RILPL2: variants seen among roughly 807,000 people sequenced by gnomAD.
The protein encoded by RILPL2 is RILP-like protein 2.
A neutral mutation model predicts 22.2 loss-of-function variants in RILPL2; 19 were observed. The ratio of observed to expected loss-of-function variants is 0.86; its 90% CI spans 0.60 to 1.25. The LOEUF is 1.25. Ranked by LOEUF, RILPL2 falls within the 50% of genes most tolerant of loss-of-function variation. RILPL2 has a pLI of 0.00. For synonymous variants in RILPL2, 123 were observed against 111.6 expected (o/e 1.10, Z -0.64); for missense variants, 243 against 263.6 (o/e 0.92, Z 0.54).
chr12:123,417,491 T>C (rs937382820), intron 3 of RILPL2, among the ~76,000 whole-genome samples: 2 of 151,974 alleles, frequency 1.3e-5, no homozygotes, highest in African/African-American at 4.8e-5. Context: ...CCAGAAAGAA[T>C]CCACGTGGCC....
downstream of RILPL2, chr12:123,410,725 A>G (rs1036881744): frequency 6.6e-6 from 1 of 152,042 alleles, no homozygotes; most frequent in Non-Finnish European, 1.5e-5. Flanking sequence ...AAAAAAAAAA[A>G]AACAACACTT....
chr12:123,411,133 C>G (rs1162253900), downstream of RILPL2: 1 of 151,650 alleles, frequency 6.6e-6, no homozygotes, highest in African/African-American at 2.4e-5. Context: ...ACCTCCACCT[C>G]CCGGGTTCAA....
At chr12:123,432,723 C>T (rs376846106) in intron 1 of RILPL2, among the ~76,000 whole-genome samples, 2 of 151,684 alleles carry the variant, frequency 1.3e-5, no homozygotes, top group South Asian at 2.1e-4. Flanking sequence ...GTTCTCGGCT[C>T]ATAATGGGGA....
downstream of RILPL2, chr12:123,411,044 T>A (rs1184565977): frequency 2.0e-5 from 3 of 147,936 alleles, no homozygotes; most frequent in Non-Finnish European, 3.0e-5. Context: ...ATTTATTTAT[T>A]TATTTTTTTT....
chr12:123,413,609 C>CAAAGAACA (rs1455150199), downstream of RILPL2: 3 of 152,344 alleles, frequency 2.0e-5, no homozygotes, highest in African/African-American at 7.2e-5. Flanking sequence ...AGATTTATTG[C>CAAAGAACA]AAAGAACAAA....
At chr12:123,422,071 T>C (rs1398064222) in intron 3 of RILPL2, among the ~76,000 whole-genome samples, 1 of 148,356 alleles carries the variant, frequency 6.7e-6, no homozygotes, top group Non-Finnish European at 1.5e-5. Flanking sequence ...AGCGTGATAA[T>C]AGTGATAATA....
chr12:123,431,881 A>G (rs1353380592), intron 1 of RILPL2, among the ~76,000 whole-genome samples: 1 of 151,636 alleles, frequency 6.6e-6, no homozygotes, highest in Non-Finnish European at 1.5e-5. Context: ...TTTTACTACA[A>G]TTTATTTTAT....
intron 2 of RILPL2, among the ~76,000 whole-genome samples, chr12:123,429,899 T>C (rs1360238124): frequency 2.0e-5 from 3 of 151,232 alleles, no homozygotes; most frequent in African/African-American, 7.3e-5. Context: ...GTGGATCACT[T>C]GAGCCCAAGA....
At chr12:123,418,448 C>T (rs1355093399) in intron 3 of RILPL2, among the ~76,000 whole-genome samples, 1 of 152,138 alleles carries the variant, frequency 6.6e-6, no homozygotes, top group Non-Finnish European at 1.5e-5. Flanking sequence ...CTGAAATTGT[C>T]CTGTTAATAT....
chr12:123,430,213 T>G (rs1040639662), intron 2 of RILPL2, among the ~76,000 whole-genome samples: 1 of 140,206 alleles, frequency 7.1e-6, no homozygotes, highest in Admixed American at 7.4e-5. Context: ...ATCGAGACCA[T>G]TCTGCCTAAC....
intron 1 of RILPL2, among the ~76,000 whole-genome samples, chr12:123,435,794 C>T (rs979098026): frequency 6.6e-6 from 1 of 152,050 alleles, no homozygotes; most frequent in Non-Finnish European, 1.5e-5. Context: ...ACTGTGGACC[C>T]TGGGCCAATA....
chr12:123,424,331 A>ATTTTTTT lies in RILPL2; in HGVS notation c.492-1181_492-1175dup, dbSNP rs56046247. Among the ~76,000 whole-genome samples the ATTTTTTT allele has an allele frequency of 7.8e-4, 106 of 135,164 alleles. 2 individuals carry two copies. The highest frequency in any genetic ancestry group is 3.0e-3 in the East Asian group (13 of 4,360). 88.7% of individuals were successfully genotyped at this position (135,164 alleles called of 152,430 possible). On this transcript the variant is annotated intron_variant, in intron 2 of 3. Coordinates refer to ENST00000280571, the MANE Select transcript of RILPL2 (RefSeq NM_145058.3). ...TAAGTCAGATGTTGATAAGAGTTAG[A>ATTTTTTT]TTTTTTTTTTTTTTTTTTGAGACAG... is the stretch of plus-strand genomic sequence containing the variant.
At chr12:123,429,075 C>CT (rs1879522322) in intron 2 of RILPL2, among the ~76,000 whole-genome samples, 1 of 152,100 alleles carries the variant, frequency 6.6e-6, no homozygotes, top group Non-Finnish European at 1.5e-5. Flanking sequence ...ATGGCAACAG[C>CT]TTTTTTATAG....
chr12:123,412,410 G>C (rs1335690630), downstream of RILPL2: 2 of 152,366 alleles, frequency 1.3e-5, no homozygotes, highest in African/African-American at 4.8e-5. Flanking sequence ...AAAAGTGCTG[G>C]AATTACAGGC....
chr12:123,424,537 G>C (rs369310374), intron 2 of RILPL2, among the ~76,000 whole-genome samples: 7 of 152,132 alleles, frequency 4.6e-5, no homozygotes, highest in Admixed American at 2.0e-4. Context: ...CTCCATGTTG[G>C]TCAGGCTGGT....
At chr12:123,426,248 A>G (rs1879439392) in intron 2 of RILPL2, among the ~76,000 whole-genome samples, 1 of 151,848 alleles carries the variant, frequency 6.6e-6, no homozygotes, top group African/African-American at 2.4e-5. Context: ...TCCTGGGTTC[A>G]AGTGATTCTT....
intron 3 of RILPL2, among the ~76,000 whole-genome samples, chr12:123,421,215 G>A (rs1170480122): frequency 6.6e-6 from 1 of 151,654 alleles, no homozygotes; most frequent in Non-Finnish European, 1.5e-5. Flanking sequence ...GCTCATTTTT[G>A]TATTTTTTAA....
Position 123,432,039 on chromosome 12 carries a change from C to T in RILPL2, c.340-1380G>A, listed in dbSNP as rs1248132054. ...CCTCCCTAGTAGCTGGGATTACAGG[C>T]GCCTGCCACCAAGCCCAGCTAATTT... On this transcript the variant is annotated intron_variant, in intron 1 of 3. Transcript: ENST00000280571. Among the ~76,000 whole-genome samples, 8 of 151,802 alleles carry T rather than the reference C, an allele frequency of 5.3e-5. No homozygotes were observed. The South Asian group carries it at 8.3e-4, about 16-fold the overall frequency.
chr12:123,428,439 A>C (rs1326247503), intron 2 of RILPL2, among the ~76,000 whole-genome samples: 1 of 152,118 alleles, frequency 6.6e-6, no homozygotes, highest in Non-Finnish European at 1.5e-5. Flanking sequence ...CCCGGCCCTG[A>C]ATTACTTACT....
Sources: allele counts gnomAD v4.1 joint callset (sites outside exome capture counted in the v4.1 genomes callset), GRCh38; gene constraint gnomAD v4.1.1; transcripts MANE v1.5; gene names NCBI Gene and HGNC (gene_info 2026-07-23, HGNC 2026-07-21).